AFF4: variants seen among roughly 807,000 people sequenced by gnomAD.
AFF4 encodes the protein ALF transcription elongation factor 4, also known as AF4/FMR2 family member 4.
A neutral mutation model predicts 124.8 loss-of-function variants in AFF4; 13 were observed. That is an observed-to-expected ratio of 0.10 (90% CI 0.07 to 0.17). The LOEUF (loss-of-function observed/expected upper bound fraction) is 0.17. AFF4 is among the 10% of genes least tolerant of loss of function. The pLI is 1.00. For missense variants in AFF4, 1,092 were observed against 1,403.8 expected, an observed-to-expected ratio of 0.78 and a Z score of 3.55; for synonymous variants, 477 against 496.1, an observed-to-expected ratio of 0.96 and a Z score of 0.51.
intron 1 of AFF4, chr5:132,948,521 T>TC (rs1484490689): frequency 6.5e-6 from 1 of 153,082 alleles, no homozygotes; most frequent in Non-Finnish European, 1.5e-5. Context: ...ACGAGCATGT[T>TC]CTGGGGCTTT....
At chr5:132,946,676 T>C (rs1387627965) in intron 1 of AFF4, among the ~76,000 whole-genome samples, 1 of 152,118 alleles carries the variant, frequency 6.6e-6, no homozygotes, top group Admixed American at 6.6e-5. Context: ...AGGTTCTGTT[T>C]GGGATGATGA....
chr5:132,887,315 A>C (rs1455304084), intron 17 of AFF4, among the ~76,000 whole-genome samples: 2 of 152,236 alleles, frequency 1.3e-5, no homozygotes, highest in African/African-American at 4.8e-5. Flanking sequence ...CAAGGCTTTC[A>C]TCAAGAGGGA....
At position 132,930,493 on chromosome 5, in the gene AFF4, T is replaced by C. The variant is rs1434879282; in HGVS notation, c.963+1685A>G. 4.0e-5 allele frequency among the ~76,000 whole-genome samples: 6 copies of C among 151,718 alleles called. No individual in the cohort carries two copies. The South Asian group carries it at 8.3e-4, about 21-fold the overall frequency. ...GATGGAGGGAGAAAGATAATGACCA[T>C]AGAGAAACAGGTTCAGCAAAATGGC... On this transcript the variant is annotated intron_variant, in intron 4 of 20. Transcript: ENST00000265343.
chr5:132,943,238 G>T (rs1038394748), intron 1 of AFF4: 2 of 184,204 alleles, frequency 1.1e-5, no homozygotes, highest in Non-Finnish European at 2.4e-5. Flanking sequence ...CCACTTAGCC[G>T]CCCTACAAAC....
intron 15 of AFF4, 55 bp from the exon 16 acceptor site, chr5:132,888,037 C>A (rs1481434463): frequency 6.2e-7 from 1 of 1,606,808 alleles, no homozygotes; most frequent in African/African-American, 1.3e-5. Flanking sequence ...CTACAAACAT[C>A]AGAAGATTAC....
intron 11 of AFF4, among the ~76,000 whole-genome samples, chr5:132,894,158 T>C (rs1016984372): frequency 1.1e-4 from 16 of 152,250 alleles, no homozygotes; most frequent in African/African-American, 2.9e-4. Context: ...AGTTTTTGTG[T>C]GGACATGTTT....
intron 11 of AFF4, among the ~76,000 whole-genome samples, chr5:132,895,843 CA>C (rs1760376337): frequency 6.6e-6 from 1 of 152,162 alleles, no homozygotes. Flanking sequence ...TATAAGCCAG[CA>C]ATATTTTTAG....
At position 132,879,739 on chromosome 5, in the gene AFF4, T is replaced by C. The variant is rs1759926555; in HGVS notation, c.*1320A>G. On this transcript the variant is annotated 3_prime_UTR_variant, in exon 21 of 21. Coordinates refer to ENST00000265343, the MANE Select transcript of AFF4 (RefSeq NM_014423.4). ...CCTTGTAGCAAAAGGTACTTTGATATACAACTCTTACAGAGCCAGCTTCTT... is the reference window on the plus strand; with the variant it reads ...CCTTGTAGCAAAAGGTACTTTGATACACAACTCTTACAGAGCCAGCTTCTT... 1 of 217,156 alleles carries C rather than the reference T, an allele frequency of 4.6e-6. No individual in the cohort carries two copies. Among genetic ancestry groups the C allele is most frequent in the South Asian group, 1.9e-4 (1 of 5,378 alleles). 13.5% of individuals were successfully genotyped at this position (217,156 alleles called of 1,614,324 possible).
Position 132,934,229 on chromosome 5 carries a change from G to A in AFF4, c.836C>T (p.Ser279Phe). 6.2e-7 allele frequency: 1 copy of A among 1,614,180 alleles called. No homozygotes were observed. The highest frequency in any genetic ancestry group is 8.5e-7 in the Non-Finnish European group (1 of 1,180,038). Reference sequence around the variant, plus strand: ...CAGCTCAGTCATGCTGTTGCCATGGGATTGGCTGCTGTAGTGCTCAGAGGA... The same window carrying A: ...CAGCTCAGTCATGCTGTTGCCATGGAATTGGCTGCTGTAGTGCTCAGAGGA... ...KLSSEHYSSQ[S>F]HGNSMTELKP... is the part of the protein sequence containing the mutation. Residue 279 changes from serine (S) to phenylalanine (F), a missense_variant, in exon 3 of 21, where the codon TCC becomes TTC. Around this residue, in one of 11 missense-constraint regions of AFF4, gnomAD observed 148 missense variants for 196.3 expected, o/e 0.75. Transcript: ENST00000265343.
chr5:132,960,882 A>G (rs1762065902), intron 1 of AFF4, among the ~76,000 whole-genome samples: 2 of 152,132 alleles, frequency 1.3e-5, no homozygotes, highest in South Asian at 4.1e-4. Context: ...AGGGAAAAAA[A>G]GAAAATTACA....
At chr5:132,916,574 C>T (rs1019150596) in intron 5 of AFF4, among the ~76,000 whole-genome samples, 35 of 152,104 alleles carry the variant, frequency 2.3e-4, no homozygotes, top group Non-Finnish European at 1.8e-4. Context: ...AATACTTCAG[C>T]CCACTCCAAA....
intron 4 of AFF4, 25 bp downstream of exon 4, chr5:132,932,153 A>T (rs771230973): frequency 6.4e-7 from 1 of 1,557,670 alleles, no homozygotes; most frequent in Admixed American, 1.9e-5. Context: ...AAAGAAATTG[A>T]AATGATTTTT....
chr5:132,957,255 C>T (rs1165999500), intron 1 of AFF4, among the ~76,000 whole-genome samples: 3 of 150,426 alleles, frequency 2.0e-5, no homozygotes, highest in Admixed American at 6.6e-5. Context: ...GCAGGAGGAT[C>T]ACATGTGTGC....
At chr5:132,924,300 A>G (rs565733384) in intron 5 of AFF4, among the ~76,000 whole-genome samples, 1 of 152,282 alleles carries the variant, frequency 6.6e-6, no homozygotes, top group African/African-American at 2.4e-5. Context: ...AATCAAGAAC[A>G]TGGAAGAATT....
intron 6 of AFF4, 36 bp from the exon 7 acceptor site, chr5:132,902,523 T>C (rs753270987): frequency 1.3e-5 from 20 of 1,484,802 alleles, no homozygotes; most frequent in South Asian, 4.5e-5. Context: ...AACTAAAGGA[T>C]GGCTATTTAG....
chr5:132,946,013 T>C (rs529001574), intron 1 of AFF4, among the ~76,000 whole-genome samples: 149 of 151,294 alleles, frequency 9.8e-4, no homozygotes, highest in African/African-American at 3.5e-3. Context: ...TGAGCCACGA[T>C]TGCACCATTG....
chr5:132,937,183 G>A lies in AFF4; in HGVS notation c.7C>T (p.Arg3Cys), dbSNP rs764154717. The change falls in exon 2 of 21, where the codon CGT becomes TGT. Residue 3 changes from arginine to cysteine, a missense_variant. Around this residue, in one of 11 missense-constraint regions of AFF4, gnomAD observed 46 missense variants for 49.0 expected, o/e 0.94. Transcript: ENST00000265343. ...ATACGCAGCACATTCCGGTCTTCAC[G>A]GTTCATGTTGCTATGAAAAGAAACA... MN[R>C]EDRNVLRMKE... 5.6e-6 allele frequency: 9 copies of A among 1,607,472 alleles called. No homozygotes were observed. The highest frequency in any genetic ancestry group is 2.7e-5 in the African/African-American group (2 of 74,672).
chr5:132,929,329 C>G (rs1761251021), intron 4 of AFF4, among the ~76,000 whole-genome samples: 1 of 152,106 alleles, frequency 6.6e-6, no homozygotes, highest in Non-Finnish European at 1.5e-5. Flanking sequence ...TAACTAAAGG[C>G]CAAGTGCCAA....
intron 1 of AFF4, among the ~76,000 whole-genome samples, chr5:132,962,051 T>G (rs1005561886): frequency 5.9e-5 from 9 of 152,172 alleles, no homozygotes; most frequent in African/African-American, 1.9e-4. Flanking sequence ...CAACACTTCT[T>G]TATGCACGTA....
Sources: allele counts gnomAD v4.1 joint callset (sites outside exome capture counted in the v4.1 genomes callset), GRCh38; gene constraint gnomAD v4.1.1; regional missense constraint gnomAD v4.1.1; transcripts MANE v1.5; gene names NCBI Gene and HGNC (gene_info 2026-07-23, HGNC 2026-07-21).